Variants in VTI1A observed in about 807,000 individuals in gnomAD.
VTI1A encodes the protein vesicle transport through interaction with t-SNAREs 1A.
A neutral mutation model predicts 34.9 loss-of-function variants in VTI1A; 22 were observed. The observed-to-expected ratio is 0.63, with a 90% CI of 0.45 to 0.90. VTI1A has a LOEUF of 0.90. Ranked by LOEUF, VTI1A falls within the 40% of genes least tolerant of loss-of-function variation. The pLI is 0.00. For synonymous variants in VTI1A, 87 were observed against 97.3 expected (o/e 0.89, Z 0.62); for missense variants, 268 against 275.6 (o/e 0.97, Z 0.20).
chr10:112,834,581 A>G, the VTI1A span, among the ~76,000 whole-genome samples: 1 of 152,228 alleles, frequency 6.6e-6, no homozygotes, highest in Admixed American at 6.5e-5. Context: ...GCCACCAGGC[A>G]ATAAATTTCA....
chr10:112,667,476 G>T (rs1053537659), intron 5 of VTI1A, among the ~76,000 whole-genome samples: 1 of 152,156 alleles, frequency 6.6e-6, no homozygotes, highest in South Asian at 2.1e-4. Flanking sequence ...CAAATAAGAT[G>T]ATCATGGCAA....
chr10:112,853,061 G>A, the VTI1A span, among the ~76,000 whole-genome samples: 1 of 152,222 alleles, frequency 6.6e-6, no homozygotes. Flanking sequence ...TGGGATTACA[G>A]GCATGAGCCA....
At chr10:112,833,722 T>G in the VTI1A span, among the ~76,000 whole-genome samples, 1 of 152,208 alleles carries the variant, frequency 6.6e-6, no homozygotes, top group African/African-American at 2.4e-5. Context: ...TGTCTGGGGC[T>G]GACACTCTAT....
At chr10:112,538,212 G>C in intron 4 of VTI1A, 34 bp from the exon 5 acceptor site, 1 of 1,587,942 alleles carries the variant, frequency 6.3e-7, no homozygotes, top group Non-Finnish European at 8.6e-7. Flanking sequence ...GTAGACGGCC[G>C]TCTGATTTTT....
At chr10:112,673,019 T>TA (rs1053698729) in intron 7 of VTI1A, among the ~76,000 whole-genome samples, 3 of 151,724 alleles carry the variant, frequency 2.0e-5, no homozygotes, top group Admixed American at 6.6e-5. Context: ...AAAGTGCTTA[T>TA]AAAAAAAATG....
Position 112,815,678 on chromosome 10 carries a change from C to T in VTI1A, c.*295C>T, listed in dbSNP as rs1853498797. On this transcript the variant is annotated 3_prime_UTR_variant, in exon 8 of 8. Transcript: ENST00000393077. ...ACTAGCCAAAATAGCCCCAGTGACA[C>T]TCCTAGCCCTCTGGACGTGTCAAGG... 2.4e-6 allele frequency: 1 copy of T among 411,658 alleles called. No homozygotes were observed. The highest frequency in any genetic ancestry group is 4.5e-6 in the Non-Finnish European group (1 of 222,134). 25.5% of individuals were successfully genotyped at this position (411,658 alleles called of 1,614,324 possible).
chr10:112,554,893 A>G (rs1851489798), intron 5 of VTI1A, among the ~76,000 whole-genome samples: 1 of 152,140 alleles, frequency 6.6e-6, no homozygotes, highest in African/African-American at 2.4e-5. Context: ...ATTTAATTTG[A>G]TGAGTCCAGG....
At chr10:112,836,831 GAA>G in the VTI1A span, among the ~76,000 whole-genome samples, 1 of 152,294 alleles carries the variant, frequency 6.6e-6, no homozygotes, top group East Asian at 1.9e-4. Flanking sequence ...AGCTAAAGTA[GAA>G]ACCATACTCC....
intron 7 of VTI1A, among the ~76,000 whole-genome samples, chr10:112,809,496 G>T (rs1206507415): frequency 2.0e-5 from 3 of 152,208 alleles, no homozygotes; most frequent in Non-Finnish European, 4.4e-5. Flanking sequence ...AGTCGGCCAG[G>T]CAGGAAGGCA....
At chr10:112,584,664 G>A (rs571637078) in intron 5 of VTI1A, among the ~76,000 whole-genome samples, 1 of 152,302 alleles carries the variant, frequency 6.6e-6, no homozygotes, top group African/African-American at 2.4e-5. Flanking sequence ...CATTGACTGC[G>A]TCTTATGGAC....
chr10:112,792,430 GC>G (rs2134058574), intron 7 of VTI1A, among the ~76,000 whole-genome samples: 1 of 152,138 alleles, frequency 6.6e-6, no homozygotes, highest in African/African-American at 2.4e-5. Flanking sequence ...CAGCCCAGCA[GC>G]CCACCTGGGA....
intron 7 of VTI1A, among the ~76,000 whole-genome samples, chr10:112,754,663 A>T (rs994482937): frequency 1.3e-5 from 2 of 152,152 alleles, no homozygotes; most frequent in African/African-American, 4.8e-5. Context: ...AGGCTTTCAA[A>T]CCTCATTCTT....
intron 7 of VTI1A, among the ~76,000 whole-genome samples, chr10:112,804,717 G>A (rs1853003985): frequency 6.6e-6 from 1 of 152,064 alleles, no homozygotes; most frequent in African/African-American, 2.4e-5. Context: ...GTTCCCATAG[G>A]GCAGGGACTC....
At chr10:112,482,300 A>C (rs1848484165) in intron 3 of VTI1A, among the ~76,000 whole-genome samples, 1 of 152,170 alleles carries the variant, frequency 6.6e-6, no homozygotes, top group South Asian at 2.1e-4. Flanking sequence ...TAATTTCAAA[A>C]TGTTTTCATC....
intron 5 of VTI1A, among the ~76,000 whole-genome samples, chr10:112,589,667 A>G (rs552303655): frequency 5.9e-5 from 9 of 152,320 alleles, no homozygotes; most frequent in African/African-American, 2.2e-4. Flanking sequence ...CTCTACATGT[A>G]TTAAGTCTTC....
chr10:112,447,043 A>AG (rs1178522084), upstream of VTI1A: 3 of 307,734 alleles, frequency 9.7e-6, no homozygotes, highest in African/African-American at 6.1e-5. Flanking sequence ...CAGAACACGA[A>AG]GGGGGGAAAA....
intron 5 of VTI1A, among the ~76,000 whole-genome samples, chr10:112,625,369 G>A (rs1354598503): frequency 2.0e-5 from 3 of 152,074 alleles, no homozygotes; most frequent in Non-Finnish European, 2.9e-5. Context: ...CGGGCGCGGC[G>A]GCTTCACGCC....
At chr10:112,835,443 T>C in the VTI1A span, among the ~76,000 whole-genome samples, 2 of 152,220 alleles carry the variant, frequency 1.3e-5, no homozygotes, top group Non-Finnish European at 2.9e-5. Flanking sequence ...CCCTCTCCCC[T>C]GCAGTTCTCG....
At chr10:112,740,802 C>G (rs1017126515) in intron 7 of VTI1A, among the ~76,000 whole-genome samples, 1 of 152,182 alleles carries the variant, frequency 6.6e-6, no homozygotes, top group Non-Finnish European at 1.5e-5. Context: ...ACCCTATGAT[C>G]CAGCATTTCC....
Sources: allele counts gnomAD v4.1 joint callset (sites outside exome capture counted in the v4.1 genomes callset), GRCh38; gene constraint gnomAD v4.1.1; transcripts MANE v1.5; gene names NCBI Gene and HGNC (gene_info 2026-07-23, HGNC 2026-07-21).